The following SH3PXD2A variants were observed in gnomAD, a reference collection of about 807,000 sequenced individuals.
SH3PXD2A encodes the protein SH3 and PX domains 2A.
SH3PXD2A carries 32 observed loss-of-function variants against 115.2 expected under a neutral mutation model. That is an observed-to-expected ratio of 0.28 (90% CI 0.21 to 0.37). The LOEUF (loss-of-function observed/expected upper bound fraction) is 0.37. SH3PXD2A is among the 10% of genes least tolerant of loss of function. The probability of loss-of-function intolerance (pLI) is 1.00; values close to 1 mark genes in which losing one functional copy is unlikely to be tolerated. For missense variants in SH3PXD2A, 1,328 were observed against 1,498.7 expected, an observed-to-expected ratio of 0.89 and a Z score of 1.88; for synonymous variants, 610 against 629.1, an observed-to-expected ratio of 0.97 and a Z score of 0.45.
At chr10:103,651,006 CAGCCCCTGCATAT>C (rs1174125056) in intron 8 of SH3PXD2A, among the ~76,000 whole-genome samples, 2 of 152,222 alleles carry the variant, frequency 1.3e-5, no homozygotes, top group Non-Finnish European at 2.9e-5. Flanking sequence ...CCTATGGAAG[CAGCCCCTGCATAT>C]AGGATTTCAC....
intron 2 of SH3PXD2A, among the ~76,000 whole-genome samples, chr10:103,783,457 A>G (rs1287807549): frequency 8.6e-5 from 1 of 11,610 alleles, no homozygotes; most frequent in Non-Finnish European, 3.5e-4. Flanking sequence ...TCTGGGGGGC[A>G]GAGTCTGAGA....
chr10:103,701,771 C>CTAT, intron 5 of SH3PXD2A, among the ~76,000 whole-genome samples: 1 of 112,602 alleles, frequency 8.9e-6, no homozygotes, highest in East Asian at 3.1e-4. Context: ...ATCCAGCCAT[C>CTAT]CATCCACCAT....
intron 8 of SH3PXD2A, among the ~76,000 whole-genome samples, chr10:103,639,763 A>G (rs1358176274): frequency 1.3e-5 from 2 of 152,204 alleles, no homozygotes; most frequent in African/African-American, 4.8e-5. Flanking sequence ...CGCTCAGGAA[A>G]GATGGAAGAT....
At chr10:103,733,387 C>T (rs117140591) in intron 4 of SH3PXD2A, among the ~76,000 whole-genome samples, 3,727 of 152,326 alleles carry the variant, frequency 0.024, 83 homozygotes, top group Middle Eastern at 0.082. Context: ...CTAATCTGAG[C>T]TATAAATCCC....
chr10:103,626,733 C>G (rs1253045820), intron 9 of SH3PXD2A, among the ~76,000 whole-genome samples: 1 of 150,986 alleles, frequency 6.6e-6, no homozygotes, highest in African/African-American at 2.4e-5. Context: ...TTGAGACCAG[C>G]CTGGCCAACA....
intron 1 of SH3PXD2A, among the ~76,000 whole-genome samples, chr10:103,803,142 CAT>C (rs1484555750): frequency 6.6e-6 from 1 of 152,172 alleles, no homozygotes; most frequent in East Asian, 1.9e-4. Flanking sequence ...GAGGCAGACT[CAT>C]GCCATGGCGA....
At chr10:103,616,607 G>A (rs1382740408) in intron 11 of SH3PXD2A, among the ~76,000 whole-genome samples, 3 of 152,236 alleles carry the variant, frequency 2.0e-5, no homozygotes. Context: ...GCAAGAGAAG[G>A]AAGAAGCCTC....
intron 5 of SH3PXD2A, among the ~76,000 whole-genome samples, chr10:103,710,094 C>CA (rs143663780): frequency 0.015 from 1,809 of 122,946 alleles, 21 homozygotes; most frequent in African/African-American, 0.026. Context: ...GACTCCATCT[C>CA]AAAAAAAAAA....
chr10:103,779,048 T>C (rs1295601933), intron 2 of SH3PXD2A, among the ~76,000 whole-genome samples: 1 of 152,202 alleles, frequency 6.6e-6, no homozygotes, highest in Non-Finnish European at 1.5e-5. Flanking sequence ...TCACAGAACC[T>C]GAGGCATGGC....
At chr10:103,798,812 C>T (rs1242760099) in intron 2 of SH3PXD2A, among the ~76,000 whole-genome samples, 1 of 152,224 alleles carries the variant, frequency 6.6e-6, no homozygotes, top group East Asian at 1.9e-4. Context: ...TCTGAATACG[C>T]CGGCAGGGAC....
chr10:103,717,587 C>G (rs1233246657), intron 5 of SH3PXD2A, among the ~76,000 whole-genome samples: 1 of 152,142 alleles, frequency 6.6e-6, no homozygotes, highest in Non-Finnish European at 1.5e-5. Flanking sequence ...TCCTGGGGCC[C>G]TACGGCCAGA....
intron 1 of SH3PXD2A, among the ~76,000 whole-genome samples, chr10:103,808,235 G>A (rs753868909): frequency 3.3e-5 from 5 of 151,676 alleles, no homozygotes; most frequent in African/African-American, 4.8e-5. Flanking sequence ...AGGCCCTGGT[G>A]TTAAAGACCC....
At chr10:103,799,412 G>A (rs983399188) in intron 2 of SH3PXD2A, among the ~76,000 whole-genome samples, 1 of 152,228 alleles carries the variant, frequency 6.6e-6, no homozygotes, top group Non-Finnish European at 1.5e-5. Flanking sequence ...TTCCCAAACT[G>A]CATCTACAGG....
At chr10:103,848,740 T>C (rs1395013962) in intron 1 of SH3PXD2A, among the ~76,000 whole-genome samples, 2 of 152,140 alleles carry the variant, frequency 1.3e-5, no homozygotes, top group Non-Finnish European at 2.9e-5. Context: ...ATCATGAAGC[T>C]GCCTTCTCCA....
intron 8 of SH3PXD2A, among the ~76,000 whole-genome samples, chr10:103,654,964 G>T (rs1444098269): frequency 2.1e-5 from 1 of 48,016 alleles, no homozygotes; most frequent in Admixed American, 2.5e-4. Context: ...CTGAGTGGAA[G>T]GGCCCAAGAC....
intron 8 of SH3PXD2A, among the ~76,000 whole-genome samples, chr10:103,631,332 A>G (rs2036776640): frequency 1.3e-5 from 2 of 152,228 alleles, no homozygotes; most frequent in South Asian, 4.1e-4. Context: ...GAGATTAACA[A>G]TAATTAATAA....
intron 6 of SH3PXD2A, among the ~76,000 whole-genome samples, chr10:103,676,791 T>G (rs1394811346): frequency 6.6e-6 from 1 of 152,038 alleles, no homozygotes; most frequent in Non-Finnish European, 1.5e-5. Context: ...CCAGGGCATT[T>G]GTGTGCAGAG....
At chr10:103,675,449 C>A (rs2037520451) in intron 6 of SH3PXD2A, among the ~76,000 whole-genome samples, 1 of 151,776 alleles carries the variant, frequency 6.6e-6, no homozygotes, top group East Asian at 1.9e-4. Flanking sequence ...AAAGCAAATC[C>A]CAAATGGAAA....
At chr10:103,754,259 T>G (rs540284856) in intron 3 of SH3PXD2A, 37 of 152,238 alleles carry the variant, frequency 2.4e-4, no homozygotes, top group African/African-American at 8.4e-4. Context: ...CAGGATGGAG[T>G]GCAGTGGCAT....
Sources: gnomAD v4.1 joint callset for allele counts (sites outside exome capture counted in the v4.1 genomes callset) on GRCh38, gnomAD v4.1.1 for gene constraint, MANE v1.5 for transcripts, NCBI Gene and HGNC (gene_info 2026-07-23, HGNC 2026-07-21) for gene names.